SNX29: variants seen among roughly 807,000 people sequenced by gnomAD.
SNX29 encodes sorting nexin-29.
Under a neutral mutation model 102.1 loss-of-function variants are expected in SNX29, and 78 were observed. The ratio of observed to expected loss-of-function variants is 0.76; its 90% CI spans 0.64 to 0.92. The LOEUF is 0.92. SNX29 is among the 40% of genes least tolerant of loss of function. The pLI is 0.00. For synonymous variants in SNX29, 580 were observed against 414.5 expected, an observed-to-expected ratio of 1.40 and a Z score of -4.85; for missense variants, 1,280 against 1,061.7, an observed-to-expected ratio of 1.21 and a Z score of -2.86.
chr16:12,083,104 A>G (rs2051991073), intron 11 of SNX29, among the ~76,000 whole-genome samples: 1 of 152,092 alleles, frequency 6.6e-6, no homozygotes, highest in African/African-American at 2.4e-5. Flanking sequence ...CAGGAGTTCA[A>G]AACCAGCCTG....
chr16:12,564,967 T>C (rs936046474), intron 20 of SNX29, among the ~76,000 whole-genome samples: 10 of 149,542 alleles, frequency 6.7e-5, no homozygotes, highest in African/African-American at 2.2e-4. Context: ...TCATTGTAAA[T>C]GTGAGGCGTT....
intron 20 of SNX29, among the ~76,000 whole-genome samples, chr16:12,546,852 T>C (rs546969552): frequency 1.3e-5 from 2 of 152,322 alleles, no homozygotes; most frequent in South Asian, 2.1e-4. Flanking sequence ...GATTATACAG[T>C]CACCAGTAAG....
At chr16:12,363,638 A>G (rs1468401941) in intron 16 of SNX29, among the ~76,000 whole-genome samples, 1 of 152,140 alleles carries the variant, frequency 6.6e-6, no homozygotes, top group Non-Finnish European at 1.5e-5. Context: ...TGCTCAGTAA[A>G]TGTTTGCTAC....
chr16:12,389,189 C>G (rs67119854), intron 16 of SNX29, among the ~76,000 whole-genome samples: 50,605 of 152,106 alleles, frequency 0.33, 10,340 homozygotes, highest in Non-Finnish European at 0.46. Flanking sequence ...TTGGCATCAT[C>G]TGGTTGACCT....
chr16:12,293,774 C>T (rs1169139136), intron 15 of SNX29, among the ~76,000 whole-genome samples: 1 of 152,138 alleles, frequency 6.6e-6, no homozygotes, highest in Non-Finnish European at 1.5e-5. Context: ...AATTTTGAGC[C>T]ATTCTGTTCT....
rs193079170 is a variant in SNX29 at position 12,503,783 on chromosome 16, C to A, written c.2179-20919C>A. 2.5e-4 allele frequency among the ~76,000 whole-genome samples: 38 copies of A among 152,296 alleles called. No individual in the cohort carries two copies. In the East Asian group the frequency reaches 6.6e-3, roughly 26 times the overall value. On this transcript the variant is annotated intron_variant, in intron 19 of 20. Coordinates refer to ENST00000566228, the MANE Select transcript of SNX29 (RefSeq NM_032167.5). The stretch of plus-strand genomic sequence containing the variant: ...CAGGCCCAGACTTATTATGGCAATA[C>A]CCGCTGCAGAAAGAGAGCTTCTCCT...
intron 13 of SNX29, among the ~76,000 whole-genome samples, chr16:12,188,053 C>T (rs1330701056): frequency 1.3e-5 from 2 of 152,118 alleles, no homozygotes; most frequent in Non-Finnish European, 2.9e-5. Flanking sequence ...AGCATTATTC[C>T]AAGTGTTTCC....
intron 20 of SNX29, among the ~76,000 whole-genome samples, chr16:12,559,437 C>T (rs759714933): frequency 4.0e-4 from 61 of 151,442 alleles, no homozygotes; most frequent in Admixed American, 1.8e-3. Context: ...AAGCTCAGGG[C>T]TCCCAATGAT....
At chr16:12,545,288 C>G (rs190337626) in intron 20 of SNX29, among the ~76,000 whole-genome samples, 2 of 152,208 alleles carry the variant, frequency 1.3e-5, no homozygotes, top group Admixed American at 6.5e-5. Context: ...TTTGCCACTT[C>G]GCCCTCTTTA....
intron 2 of SNX29, among the ~76,000 whole-genome samples, chr16:11,999,644 G>C (rs772329622): frequency 6.6e-6 from 1 of 152,192 alleles, no homozygotes; most frequent in Admixed American, 6.5e-5. Context: ...GCTCACGCCT[G>C]TAATCCTAGC....
intron 11 of SNX29, among the ~76,000 whole-genome samples, chr16:12,121,465 C>T (rs1250501876): frequency 6.6e-6 from 1 of 152,370 alleles, no homozygotes; most frequent in Middle Eastern, 3.4e-3. Flanking sequence ...ACTTCTCCCG[C>T]TGGCCCTTGG....
At chr16:12,114,693 T>G (rs1485110092) in intron 11 of SNX29, among the ~76,000 whole-genome samples, 2 of 152,036 alleles carry the variant, frequency 1.3e-5, no homozygotes, top group Admixed American at 1.3e-4. Context: ...TTCAAGCGAT[T>G]CTCCTGCCTC....
At chr16:12,244,573 G>A (rs2078206848) in intron 14 of SNX29, among the ~76,000 whole-genome samples, 2 of 151,994 alleles carry the variant, frequency 1.3e-5, no homozygotes, top group African/African-American at 4.8e-5. Flanking sequence ...TCATGCCATT[G>A]CACTCCAGCC....
intron 20 of SNX29, among the ~76,000 whole-genome samples, chr16:12,567,747 G>A (rs901498441): frequency 1.3e-5 from 2 of 152,180 alleles, no homozygotes; most frequent in South Asian, 2.1e-4. Flanking sequence ...CTGGGCAAGA[G>A]TCGAGACTGT....
intron 15 of SNX29, among the ~76,000 whole-genome samples, chr16:12,331,361 CTTTGA>C (rs1567446127): frequency 6.6e-5 from 10 of 152,292 alleles, no homozygotes; most frequent in South Asian, 2.1e-4. Context: ...GCTGTCTAAA[CTTTGA>C]TTTAATTTTT....
chr16:11,990,883 C>A (rs758404908), intron 1 of SNX29, among the ~76,000 whole-genome samples: 6 of 152,236 alleles, frequency 3.9e-5, no homozygotes, highest in Non-Finnish European at 7.3e-5. Context: ...AACCTGCCAG[C>A]CTTCATTATT....
chr16:12,540,157 G>T (rs11075092), intron 20 of SNX29, among the ~76,000 whole-genome samples: 2 of 152,166 alleles, frequency 1.3e-5, no homozygotes, highest in Non-Finnish European at 2.9e-5. Context: ...TTACATTTTA[G>T]ATCTGCGATT....
intron 16 of SNX29, among the ~76,000 whole-genome samples, chr16:12,370,365 G>A (rs1455207850): frequency 6.6e-6 from 1 of 152,202 alleles, no homozygotes; most frequent in African/African-American, 2.4e-5. Context: ...TTCGAGACCA[G>A]CCTGGCCAAC....
At chr16:12,377,429 C>A (rs948248471) in intron 16 of SNX29, among the ~76,000 whole-genome samples, 21 of 152,148 alleles carry the variant, frequency 1.4e-4, no homozygotes, top group African/African-American at 2.2e-4. Context: ...AGCTTCCACC[C>A]AGAAATTACA....
Sources: allele counts gnomAD v4.1 joint callset (sites outside exome capture counted in the v4.1 genomes callset), GRCh38; gene constraint gnomAD v4.1.1; transcripts MANE v1.5; gene names NCBI Gene and HGNC (gene_info 2026-07-23, HGNC 2026-07-21).